HERC1: variants seen among roughly 807,000 people sequenced by gnomAD.
The protein encoded by HERC1 is HECT and RLD domain containing E3 ubiquitin protein ligase family member 1.
HERC1 carries 160 observed loss-of-function variants against 554.3 expected under a neutral mutation model. The observed-to-expected ratio is 0.29, with a 90% confidence interval of 0.25 to 0.33. HERC1 has a LOEUF of 0.33. Ranked by LOEUF, HERC1 falls within the 10% of genes least tolerant of loss-of-function variation. HERC1 has a pLI of 1.00. For synonymous variants in HERC1, 2,175 were observed against 2,131.7 expected, an observed-to-expected ratio of 1.02 and a Z score of -0.56; for missense variants, 4,919 against 5,918.5, an observed-to-expected ratio of 0.83 and a Z score of 5.54.
intron 1 of HERC1, among the ~76,000 whole-genome samples, chr15:63,799,243 G>C (rs532965464): frequency 1.2e-4 from 18 of 152,274 alleles, no homozygotes; most frequent in African/African-American, 3.1e-4. Flanking sequence ...GCTCACGTCT[G>C]TAATCACAGC....
At chr15:63,698,492 G>A (rs115476553) in intron 26 of HERC1, among the ~76,000 whole-genome samples, 213 of 151,112 alleles carry the variant, frequency 1.4e-3, no homozygotes, top group African/African-American at 4.9e-3. Flanking sequence ...TAGGAGACAT[G>A]TGAAGACTTC....
chr15:63,643,519 C>T lies in HERC1; in HGVS notation c.11216G>A (p.Cys3739Tyr). 2 of 1,606,148 alleles carry T rather than the reference C, an allele frequency of 1.2e-6. No individual in the cohort carries two copies. The highest frequency in any genetic ancestry group is 1.7e-6 in the Non-Finnish European group (2 of 1,175,800). ...DGYRKSSGAKCVYQLRGHITP... is the reference protein window; with the variant it reads ...DGYRKSSGAKYVYQLRGHITP... ...GATGTGTCCCCGCAGCTGATAAACA[C>T]ACTTGGCTCCTGATGATTTCCTATA... Residue 3739 changes from cysteine (C) to tyrosine (Y), a missense_variant, in exon 58 of 78, where the codon TGT becomes TAT. Around this residue, in one of 11 missense-constraint regions of HERC1, gnomAD observed 1,963 missense variants for 2,228.6 expected, o/e 0.88. Coordinates refer to ENST00000443617, the MANE Select transcript of HERC1 (RefSeq NM_003922.4).
intron 38 of HERC1, 123 bp downstream of exon 38, chr15:63,674,219 G>A: frequency 1.6e-6 from 1 of 644,646 alleles, no homozygotes; most frequent in Non-Finnish European, 2.4e-6. Flanking sequence ...TGTGAAAATT[G>A]CTTTGACCAA....
chr15:63,622,639 C>G (rs1018321418), intron 74 of HERC1, among the ~76,000 whole-genome samples, 176 bp downstream of exon 74: 6 of 152,098 alleles, frequency 3.9e-5, no homozygotes, highest in African/African-American at 1.2e-4. Context: ...GGCCTGTTTC[C>G]TCATCTTTGA....
chr15:63,763,802 G>A (rs2075686651), intron 3 of HERC1, among the ~76,000 whole-genome samples: 1 of 151,914 alleles, frequency 6.6e-6, no homozygotes, highest in South Asian at 2.1e-4. Context: ...AATTCATTAA[G>A]CAATATATGT....
At chr15:63,742,715 A>G (rs955776076) in intron 12 of HERC1, among the ~76,000 whole-genome samples, 2 of 152,210 alleles carry the variant, frequency 1.3e-5, no homozygotes, top group Non-Finnish European at 2.9e-5. Context: ...TTCAGCATCC[A>G]GATAATCACA....
chr15:63,686,578 G>A (rs375092681), intron 33 of HERC1, 43 bp from the exon 34 acceptor site: 59 of 1,547,354 alleles, frequency 3.8e-5, no homozygotes, highest in Non-Finnish European at 4.9e-5. Context: ...AATAATCCAT[G>A]TCTCAGATAA....
At chr15:63,668,143 A>G (rs2070733407) in intron 40 of HERC1, among the ~76,000 whole-genome samples, 1 of 152,246 alleles carries the variant, frequency 6.6e-6, no homozygotes, top group African/African-American at 2.4e-5. Flanking sequence ...AACAAAAAAC[A>G]GGTGGAACAA....
intron 1 of HERC1, among the ~76,000 whole-genome samples, chr15:63,781,563 C>T (rs891302786): frequency 6.6e-6 from 1 of 152,156 alleles, no homozygotes; most frequent in African/African-American, 2.4e-5. Flanking sequence ...TTTGACTGCT[C>T]TACCAACCAA....
At chr15:63,665,611 C>T (rs1345353202) in intron 42 of HERC1, among the ~76,000 whole-genome samples, 1 of 152,174 alleles carries the variant, frequency 6.6e-6, no homozygotes, top group Admixed American at 6.5e-5. Flanking sequence ...TTTTATATCA[C>T]TTGTACGAGA....
intron 3 of HERC1, among the ~76,000 whole-genome samples, chr15:63,762,468 C>T (rs775825965): frequency 7.9e-5 from 12 of 152,146 alleles, no homozygotes; most frequent in African/African-American, 2.2e-4. Context: ...GGATTACAGA[C>T]GTCTGCCGCC....
rs750913684 is a variant in HERC1 at position 63,623,837 on chromosome 15, A to C, written c.13499T>G (p.Leu4500Arg). ...FVQIARQVVK[L>R]NASDLRLPSR... ...AGGCAGGCGGAGGTCTGAAGCATTC[A>C]GCTTAACTACTTGTCTCGCTATTTG... is the stretch of plus-strand genomic sequence containing the variant. Residue 4500 changes from leucine (L) to arginine (R), a missense_variant, in exon 73 of 78, where the codon CTG becomes CGG. Physicochemically the swap from Leu to Arg is moderately radical, Grantham distance 102 (BLOSUM62 -2). This residue lies in a region of HERC1 where 410 missense variants were observed against 467.0 expected (regional missense o/e 0.88). Coordinates refer to ENST00000443617, the MANE Select transcript of HERC1 (RefSeq NM_003922.4). 3 of 1,613,924 alleles carry C rather than the reference A, an allele frequency of 1.9e-6. No homozygotes were observed. Among genetic ancestry groups the C allele is most frequent in the Non-Finnish European group, 2.5e-6 (3 of 1,179,904 alleles).
chr15:63,674,843 C>T lies in HERC1; in HGVS notation c.7345G>A (p.Val2449Ile), dbSNP rs895898111. 3.7e-6 allele frequency: 6 copies of T among 1,613,528 alleles called. No individual in the cohort carries two copies. The highest frequency in any genetic ancestry group is 1.7e-5 in the Admixed American group (1 of 59,966). The change falls in exon 38 of 78, where the codon GTC becomes ATC. Residue 2449 changes from valine to isoleucine, a missense_variant. By Grantham distance (29) the Val-to-Ile change is conservative. Coordinates refer to ENST00000443617, the MANE Select transcript of HERC1 (RefSeq NM_003922.4). Reference protein sequence around the residue: ...DMRTGLTSDDVKSQSTTSSKS... With the variant: ...DMRTGLTSDDIKSQSTTSSKS... ...GAGCTTGTGGTACTCTGACTTTTGACGTCATCAGATGTTAGGCCTGTTCGC... is the reference window on the plus strand; with the variant it reads ...GAGCTTGTGGTACTCTGACTTTTGATGTCATCAGATGTTAGGCCTGTTCGC...
intron 1 of HERC1, among the ~76,000 whole-genome samples, chr15:63,784,534 G>C (rs948046321): frequency 1.3e-5 from 2 of 152,142 alleles, no homozygotes; most frequent in South Asian, 4.2e-4. Flanking sequence ...ACTGGGAGCT[G>C]GGGTAGGAAA....
At chr15:63,628,632 G>A (rs1237600746) in intron 70 of HERC1, 45 bp downstream of exon 70, 12 of 1,563,492 alleles carry the variant, frequency 7.7e-6, no homozygotes, top group South Asian at 1.2e-5. Context: ...ATGGGGTACT[G>A]CTAAAAAAGA....
At chr15:63,712,960 T>A in intron 23 of HERC1, 65 bp from the exon 24 acceptor site, 1 of 1,469,176 alleles carries the variant, frequency 6.8e-7, no homozygotes, top group South Asian at 1.2e-5. Flanking sequence ...TAAAATTGAA[T>A]GGAATTGGAG....
chr15:63,695,250 G>C (rs1158573597), intron 27 of HERC1, among the ~76,000 whole-genome samples: 1 of 146,330 alleles, frequency 6.8e-6, no homozygotes, highest in South Asian at 2.1e-4. Flanking sequence ...TTGTCCAGGC[G>C]GGTTTTAAAC....
chr15:63,639,756 G>A (rs967662468), intron 61 of HERC1, among the ~76,000 whole-genome samples: 1 of 152,110 alleles, frequency 6.6e-6, no homozygotes, highest in Non-Finnish European at 1.5e-5. Flanking sequence ...TATTTTATTT[G>A]ATGCTAATTA....
At chr15:63,632,419 T>C (rs1193806007) in intron 68 of HERC1, 2 of 436,976 alleles carry the variant, frequency 4.6e-6, no homozygotes, top group Non-Finnish European at 8.4e-6. Flanking sequence ...GCAGTATTTG[T>C]GGCAGCATGT....
Sources: allele counts gnomAD v4.1 joint callset (sites outside exome capture counted in the v4.1 genomes callset), GRCh38; gene constraint gnomAD v4.1.1; regional missense constraint gnomAD v4.1.1; transcripts MANE v1.5; gene names NCBI Gene and HGNC (gene_info 2026-07-23, HGNC 2026-07-21).